Variants in RNF150 observed in about 807,000 individuals in gnomAD.
The protein encoded by RNF150 is ring finger protein 150.
Under a neutral mutation model 39.3 loss-of-function variants are expected in RNF150, and 24 were observed. The ratio of observed to expected loss-of-function variants is 0.61; its 90% CI spans 0.44 to 0.86. The LOEUF is 0.86. Among genes scored for constraint, RNF150 ranks in the 40% least tolerant of loss-of-function variants. The pLI is 0.00. For missense variants in RNF150, 502 were observed against 587.8 expected, an observed-to-expected ratio of 0.85 and a Z score of 1.51; for synonymous variants, 255 against 227.3, an observed-to-expected ratio of 1.12 and a Z score of -1.10.
At chr4:141,206,915 G>C (rs1176719596) in intron 1 of RNF150, among the ~76,000 whole-genome samples, 1 of 152,008 alleles carries the variant, frequency 6.6e-6, no homozygotes, top group Admixed American at 6.5e-5. Flanking sequence ...CCCCCGAGAA[G>C]CTGCTGGTGC....
chr4:141,027,452 C>T (rs181931640), intron 1 of RNF150, among the ~76,000 whole-genome samples: 2 of 152,314 alleles, frequency 1.3e-5, no homozygotes, highest in African/African-American at 4.8e-5. Context: ...CAGTCCTGCT[C>T]TTGTTCTTCC....
At chr4:141,054,793 C>A (rs1736906906) in intron 1 of RNF150, among the ~76,000 whole-genome samples, 1 of 152,116 alleles carries the variant, frequency 6.6e-6, no homozygotes, top group Non-Finnish European at 1.5e-5. Context: ...GAAATGTGAG[C>A]AAGACATGGC....
intron 1 of RNF150, among the ~76,000 whole-genome samples, chr4:140,985,710 G>GAT (rs1400570042): frequency 6.6e-6 from 1 of 152,032 alleles, no homozygotes; most frequent in Non-Finnish European, 1.5e-5. Context: ...TTACTAATGA[G>GAT]ATATTTATAA....
chr4:141,151,889 G>C (rs185872572), intron 1 of RNF150, among the ~76,000 whole-genome samples: 1 of 152,196 alleles, frequency 6.6e-6, no homozygotes, highest in East Asian at 1.9e-4. Flanking sequence ...ATTTCATTAA[G>C]ATGGAAAAGC....
intron 1 of RNF150, among the ~76,000 whole-genome samples, chr4:141,082,114 G>A (rs1363986887): frequency 6.6e-6 from 1 of 152,204 alleles, no homozygotes; most frequent in African/African-American, 2.4e-5. Flanking sequence ...CCACTGCAGT[G>A]CAATAATTTG....
chr4:140,907,673 G>A (rs1226189172), intron 6 of RNF150, among the ~76,000 whole-genome samples: 3 of 152,174 alleles, frequency 2.0e-5, no homozygotes, highest in Non-Finnish European at 4.4e-5. Flanking sequence ...AAGTGAGTAG[G>A]CAACTGTGTT....
intron 4 of RNF150, among the ~76,000 whole-genome samples, chr4:140,930,367 C>G (rs990810173): frequency 2.6e-5 from 4 of 152,156 alleles, no homozygotes; most frequent in Non-Finnish European, 4.4e-5. Flanking sequence ...TATATATCTC[C>G]TGCTGGTTCT....
chr4:141,083,038 C>T (rs1738220777), intron 1 of RNF150, among the ~76,000 whole-genome samples: 1 of 151,774 alleles, frequency 6.6e-6, no homozygotes, highest in African/African-American at 2.4e-5. Flanking sequence ...CTTTTTAGAC[C>T]CCCTGAAGAT....
intron 1 of RNF150, among the ~76,000 whole-genome samples, chr4:141,211,525 C>T (rs1228843016): frequency 1.3e-5 from 2 of 152,232 alleles, no homozygotes; most frequent in Non-Finnish European, 2.9e-5. Context: ...TTATTTCTTC[C>T]AAGTACAACC....
chr4:140,979,649 C>T (rs957712494), intron 1 of RNF150, among the ~76,000 whole-genome samples: 3 of 151,784 alleles, frequency 2.0e-5, no homozygotes, highest in African/African-American at 7.3e-5. Context: ...GCACACTAAC[C>T]TTGGCTTCCA....
intron 1 of RNF150, among the ~76,000 whole-genome samples, chr4:140,973,874 T>TAAA (rs566506401): frequency 1.4e-4 from 16 of 110,480 alleles, no homozygotes; most frequent in African/African-American, 2.8e-4. Context: ...AGACTCTGTT[T>TAAA]AAAAAAAAAA....
intron 1 of RNF150, among the ~76,000 whole-genome samples, chr4:141,007,207 C>G (rs986817424): frequency 3.3e-5 from 5 of 152,212 alleles, no homozygotes; most frequent in African/African-American, 1.2e-4. Flanking sequence ...GCAGCCTGCT[C>G]TCTTCCTTAT....
intron 1 of RNF150, among the ~76,000 whole-genome samples, chr4:140,983,226 G>A (rs1477829354): frequency 6.6e-6 from 1 of 152,086 alleles, no homozygotes; most frequent in Admixed American, 6.6e-5. Context: ...TGTATGCAGT[G>A]TTTTTCTATT....
chr4:141,008,696 A>C (rs1257331174), intron 1 of RNF150, among the ~76,000 whole-genome samples: 1 of 152,128 alleles, frequency 6.6e-6, no homozygotes, highest in African/African-American at 2.4e-5. Flanking sequence ...AGACAGTTCA[A>C]ATTAAGTGAC....
Position 140,921,287 on chromosome 4 carries a change from TCAC to T in RNF150, c.987+4687_987+4689del, listed in dbSNP as rs1258118963. On this transcript the variant is annotated intron_variant, in intron 5 of 6. Coordinates refer to ENST00000515673, the MANE Select transcript of RNF150 (RefSeq NM_020724.2). ...ACAATAAAAAATGGCAAAGGGGATA[TCAC>T]CACCGATCCCACAGAAATACAAACT... 1.8e-4 allele frequency among the ~76,000 whole-genome samples: 27 copies of T among 151,300 alleles called. No individual in the cohort carries two copies. In the East Asian group the frequency reaches 2.7e-3, roughly 15 times the overall value.
intron 6 of RNF150, among the ~76,000 whole-genome samples, chr4:140,872,173 C>T (rs1465015461): frequency 6.6e-6 from 1 of 152,128 alleles, no homozygotes; most frequent in Non-Finnish European, 1.5e-5. Context: ...AAAACTTTGT[C>T]AGCAAACTAT....
At chr4:141,087,462 C>T (rs1738409953) in intron 1 of RNF150, among the ~76,000 whole-genome samples, 1 of 152,106 alleles carries the variant, frequency 6.6e-6, no homozygotes, top group African/African-American at 2.4e-5. Context: ...GGGCTAATTA[C>T]CTACTTTCAC....
At chr4:140,975,760 C>T (rs1333608744) in intron 1 of RNF150, among the ~76,000 whole-genome samples, 4 of 152,156 alleles carry the variant, frequency 2.6e-5, no homozygotes, top group South Asian at 2.1e-4. Flanking sequence ...TATGTTTAGA[C>T]AGCCCCAAGC....
chr4:140,900,139 G>A lies in RNF150; in HGVS notation c.1198+11005C>T, dbSNP rs549302612. On this transcript the variant is annotated intron_variant, in intron 6 of 6. Transcript: ENST00000515673. ...TTTTTCTTCCAAATTGTCCCCTGAG[G>A]TTCAACTTATAAACACAAAAAGATC... is the stretch of plus-strand genomic sequence containing the variant. Among the ~76,000 whole-genome samples the A allele has an allele frequency of 2.0e-5, 3 of 152,190 alleles. No homozygotes were observed. The South Asian group carries it at 6.2e-4, about 32-fold the overall frequency.
Sources: allele counts gnomAD v4.1 joint callset (sites outside exome capture counted in the v4.1 genomes callset), GRCh38; gene constraint gnomAD v4.1.1; transcripts MANE v1.5; gene names NCBI Gene and HGNC (gene_info 2026-07-23, HGNC 2026-07-21).